Variants in SGCZ observed in about 807,000 individuals in gnomAD.
SGCZ encodes the protein sarcoglycan zeta.
A neutral mutation model predicts 41.3 loss-of-function variants in SGCZ; 40 were observed. That is an observed-to-expected ratio of 0.97 (90% confidence interval 0.75 to 1.26). The LOEUF is 1.26. SGCZ is among the 50% of genes most tolerant of loss of function. SGCZ has a pLI of 0.00. For missense variants in SGCZ, 552 were observed against 369.8 expected (o/e 1.49, Z -4.04); for synonymous variants, 206 against 137.5 (o/e 1.50, Z -3.49).
At chr8:14,481,694 T>C (rs1236997221) in intron 2 of SGCZ, among the ~76,000 whole-genome samples, 2 of 152,148 alleles carry the variant, frequency 1.3e-5, no homozygotes, top group Non-Finnish European at 2.9e-5. Flanking sequence ...TTGAATTTTA[T>C]ACTAGGAGAA....
chr8:15,052,322 T>C (rs926119961), intron 1 of SGCZ, among the ~76,000 whole-genome samples: 4 of 151,890 alleles, frequency 2.6e-5, no homozygotes, highest in Admixed American at 6.6e-5. Flanking sequence ...ATGAAGAAGA[T>C]GAAAAGAGGA....
chr8:14,629,726 T>C (rs928476642), intron 1 of SGCZ, among the ~76,000 whole-genome samples: 1 of 152,094 alleles, frequency 6.6e-6, no homozygotes, highest in Non-Finnish European at 1.5e-5. Context: ...TAGGACTTTT[T>C]TAGGGTAAAC....
At chr8:15,087,028 A>G (rs1438778690) in intron 1 of SGCZ, among the ~76,000 whole-genome samples, 1 of 152,176 alleles carries the variant, frequency 6.6e-6, no homozygotes, top group Non-Finnish European at 1.5e-5. Context: ...GAATTCACAC[A>G]TGAGATTTAG....
intron 1 of SGCZ, among the ~76,000 whole-genome samples, chr8:14,817,825 C>T (rs934857507): frequency 4.6e-5 from 7 of 152,308 alleles, no homozygotes; most frequent in African/African-American, 1.7e-4. Context: ...TCCAGTTCAA[C>T]AGTCAGCCCT....
At chr8:14,240,333 A>AAAAAAAAAAAAAAAAAAAAAAAT in intron 3 of SGCZ, among the ~76,000 whole-genome samples, 2 of 9,118 alleles carry the variant, frequency 2.2e-4, no homozygotes, top group African/African-American at 5.8e-4. Context: ...GTGTCAAAAA[A>AAAAAAAAAAAAAAAAAAAAAAAT]AAAAAAAAAA....
At chr8:15,157,396 G>A (rs1799364649) in intron 1 of SGCZ, among the ~76,000 whole-genome samples, 1 of 151,582 alleles carries the variant, frequency 6.6e-6, no homozygotes, top group South Asian at 2.1e-4. Context: ...TCTAGGCTGG[G>A]TGACAAAGCA....
intron 2 of SGCZ, among the ~76,000 whole-genome samples, chr8:14,509,974 G>T (rs1307571244): frequency 6.6e-6 from 1 of 151,984 alleles, no homozygotes; most frequent in East Asian, 1.9e-4. Flanking sequence ...TGAGGACTAT[G>T]GGTCCCTACC....
intron 1 of SGCZ, among the ~76,000 whole-genome samples, chr8:15,115,748 G>A (rs1055447166): frequency 6.6e-6 from 1 of 152,082 alleles, no homozygotes; most frequent in African/African-American, 2.4e-5. Flanking sequence ...ATACTTTTTT[G>A]GAAGAAATGT....
intron 1 of SGCZ, among the ~76,000 whole-genome samples, chr8:15,136,829 C>A (rs546522256): frequency 6.6e-6 from 1 of 152,060 alleles, no homozygotes; most frequent in Non-Finnish European, 1.5e-5. Flanking sequence ...ACTGTTAGAA[C>A]GCAATAATCC....
chr8:14,867,090 C>G (rs1360867153), intron 1 of SGCZ, among the ~76,000 whole-genome samples: 2 of 152,096 alleles, frequency 1.3e-5, no homozygotes, highest in Non-Finnish European at 2.9e-5. Context: ...ATTCACTATC[C>G]TAGACAAATG....
chr8:14,573,483 C>T (rs1804621349), intron 1 of SGCZ, among the ~76,000 whole-genome samples: 1 of 151,968 alleles, frequency 6.6e-6, no homozygotes, highest in Admixed American at 6.6e-5. Flanking sequence ...CCACTGCGCC[C>T]GGCCGCAAGT....
chr8:14,457,902 C>G (rs1407125602), intron 2 of SGCZ, among the ~76,000 whole-genome samples: 1 of 152,144 alleles, frequency 6.6e-6, no homozygotes, highest in Non-Finnish European at 1.5e-5. Context: ...GTAGTGGTCC[C>G]CGGGGCCCAG....
intron 3 of SGCZ, among the ~76,000 whole-genome samples, chr8:14,249,430 T>C (rs906046016): frequency 6.6e-6 from 1 of 152,164 alleles, no homozygotes; most frequent in Non-Finnish European, 1.5e-5. Flanking sequence ...TCTTTATTTA[T>C]TGGTCTGTTT....
chr8:14,466,749 A>G (rs1005151934), intron 2 of SGCZ, among the ~76,000 whole-genome samples: 11 of 151,788 alleles, frequency 7.2e-5, no homozygotes, highest in African/African-American at 2.4e-4. Flanking sequence ...AAAATCCTCT[A>G]ATAACTTTTT....
chr8:14,819,115 G>T (rs556932748), intron 1 of SGCZ, among the ~76,000 whole-genome samples: 2 of 144,512 alleles, frequency 1.4e-5, no homozygotes, highest in Non-Finnish European at 3.0e-5. Context: ...ACTCTCAAAA[G>T]TAAAAGACAG....
intron 2 of SGCZ, among the ~76,000 whole-genome samples, chr8:14,357,217 A>T (rs931930241): frequency 2.6e-5 from 4 of 152,198 alleles, no homozygotes; most frequent in Non-Finnish European, 5.9e-5. Context: ...CATATAACGA[A>T]TCTCATCAGT....
intron 2 of SGCZ, among the ~76,000 whole-genome samples, chr8:14,381,685 C>A (rs10102093): frequency 1.3e-5 from 2 of 151,412 alleles, no homozygotes; most frequent in Non-Finnish European, 2.9e-5. Context: ...ACTTGGGAAG[C>A]TAAGGTGAAA....
Position 14,898,967 on chromosome 8 carries a change from T to C in SGCZ, c.39+338618A>G, listed in dbSNP as rs76785911. ...AATAAATCCATGATAGTGAAGACAATGTAAAATAATTTTTTAAAAGTTTCC... is the reference window on the plus strand; with the variant it reads ...AATAAATCCATGATAGTGAAGACAACGTAAAATAATTTTTTAAAAGTTTCC... On this transcript the variant is annotated intron_variant, in intron 1 of 7. Coordinates refer to ENST00000382080, the MANE Select transcript of SGCZ (RefSeq NM_139167.4). Among the ~76,000 whole-genome samples, 708 of 152,322 alleles carry C rather than the reference T, an allele frequency of 4.6e-3. 10 individuals are homozygous for C. Among genetic ancestry groups the C allele is most frequent in the African/African-American group, 0.016 (677 of 41,578 alleles).
rs144097566 is a variant in SGCZ, at chr8:14,277,224, T to G, written c.337-39545A>C. Reference sequence around the variant, plus strand: ...ATGTGCCAATGTCCCCATTACTGTCTTCTATCTTTTTTCACTTTTATCCTC... The same window carrying G: ...ATGTGCCAATGTCCCCATTACTGTCGTCTATCTTTTTTCACTTTTATCCTC... On this transcript the variant is annotated intron_variant, in intron 3 of 7. Coordinates refer to ENST00000382080, the MANE Select transcript of SGCZ (RefSeq NM_139167.4). Among the ~76,000 whole-genome samples, 202 of 152,310 alleles carry G rather than the reference T, an allele frequency of 1.3e-3. 1 individual carries two copies. Among genetic ancestry groups the G allele is most frequent in the African/African-American group, 4.7e-3 (195 of 41,586 alleles).
Sources: gnomAD v4.1 joint callset for allele counts (sites outside exome capture counted in the v4.1 genomes callset) on GRCh38, gnomAD v4.1.1 for gene constraint, MANE v1.5 for transcripts, NCBI Gene and HGNC (gene_info 2026-07-23, HGNC 2026-07-21) for gene names.